SP100: variants seen among roughly 807,000 people sequenced by gnomAD.
SP100 encodes the protein nuclear autoantigen Sp-100.
SP100 carries 84 observed loss-of-function variants against 130.0 expected under a neutral mutation model. The ratio of observed to expected loss-of-function variants is 0.65; its 90% CI spans 0.54 to 0.77. The LOEUF (loss-of-function observed/expected upper bound fraction) is 0.77. Ranked by LOEUF, SP100 falls within the 30% of genes least tolerant of loss-of-function variation. The pLI is 0.00. For missense variants in SP100, 978 were observed against 1,052.2 expected (o/e 0.93, Z 0.97); for synonymous variants, 331 against 351.7 (o/e 0.94, Z 0.66).
chr2:230,487,031 T>G (rs1029873607), intron 17 of SP100, among the ~76,000 whole-genome samples: 8 of 152,250 alleles, frequency 5.3e-5, no homozygotes, highest in Non-Finnish European at 1.2e-4. Flanking sequence ...TTGTTTTTTC[T>G]TGTAAATTTG....
In SP100 at chr2:230,450,543, A is replaced by G. The variant is rs142352659; in HGVS notation, c.820+288A>G. ...TTTTTAAGAATACATTATTAACTAT[A>G]TTAATCGTGTTGTATAAAAGATCTC... On this transcript the variant is annotated intron_variant, in intron 8 of 28. Transcript: ENST00000340126. Among the ~76,000 whole-genome samples, 187 of 152,308 alleles carry G rather than the reference A, an allele frequency of 1.2e-3. 2 individuals carry two copies. The East Asian group carries it at 0.032, about 26-fold the overall frequency.
In SP100 at chr2:230,417,754, A is replaced by G. The variant is rs1012931499; in HGVS notation, c.107+89A>G. 9.9e-6 allele frequency: 15 copies of G among 1,522,302 alleles called. No homozygotes were observed. In the African/African-American group the frequency reaches 1.9e-4, roughly 20 times the overall value. 94.3% of individuals were successfully genotyped at this position (1,522,302 alleles called of 1,614,324 possible). A position where few individuals can be genotyped will look rare whatever the true frequency, so the allele number is the denominator to read the frequency against. On this transcript the variant is annotated intron_variant, in intron 2 of 28. Coordinates refer to ENST00000340126, the MANE Select transcript of SP100 (RefSeq NM_001080391.2). ...AGCTTTTCATGTTTCTTGGCCATTTAAATTCCCTCTTCTATAAATTGCTTG... is the reference window on the plus strand; with the variant it reads ...AGCTTTTCATGTTTCTTGGCCATTTGAATTCCCTCTTCTATAAATTGCTTG...
intron 17 of SP100, among the ~76,000 whole-genome samples, chr2:230,481,796 A>T (rs2065844273): frequency 6.6e-6 from 1 of 152,062 alleles, no homozygotes; most frequent in Non-Finnish European, 1.5e-5. Context: ...CTCACTTGCT[A>T]CTCTGGCCTT....
intron 24 of SP100, chr2:230,516,097 A>G (rs970838016): frequency 1.0e-6 from 1 of 988,414 alleles, no homozygotes; most frequent in Non-Finnish European, 1.2e-6. Context: ...AAAAAACCGT[A>G]TGAGGGAACT....
At chr2:230,506,156 A>G (rs1690082372) in intron 21 of SP100, 147 bp from the exon 22 acceptor site, 3 of 715,984 alleles carry the variant, frequency 4.2e-6, no homozygotes, top group African/African-American at 1.8e-5. Flanking sequence ...CAGGCTGGGT[A>G]TGAAGCCCCT....
intron 24 of SP100, among the ~76,000 whole-genome samples, chr2:230,524,199 A>AAAAAAAAAAT (rs1691312526): frequency 6.7e-6 from 1 of 148,340 alleles, no homozygotes; most frequent in Non-Finnish European, 1.5e-5. Flanking sequence ...AAAAAAAAAA[A>AAAAAAAAAAT]AAGAAAATTA....
chr2:230,508,311 C>CATTTTTT lies in SP100; in HGVS notation c.2052+280_2052+281insATTTTTT, dbSNP rs376287053. 7 of 148,216 alleles carry CATTTTTT rather than the reference C, an allele frequency of 4.7e-5. 1 individual carries two copies. Among genetic ancestry groups the CATTTTTT allele is most frequent in the African/African-American group, 6.3e-5 (2 of 31,610 alleles). 9.2% of individuals were successfully genotyped at this position (148,216 alleles called of 1,614,324 possible). On this transcript the variant is annotated intron_variant, in intron 23 of 28. Coordinates refer to ENST00000340126, the MANE Select transcript of SP100 (RefSeq NM_001080391.2). ...TTTAGTAAAGGAGCTAAATGCCATA[C>CATTTTTT]TTTTTTTTTTTTTTTTTTTTAAGAG...
At chr2:230,477,939 C>CAAAAAAAAAAA (rs11420486) in intron 17 of SP100, among the ~76,000 whole-genome samples, 2 of 125,134 alleles carry the variant, frequency 1.6e-5, no homozygotes, top group African/African-American at 3.1e-5. Flanking sequence ...TGTCTCAAAA[C>CAAAAAAAAAAA]AAAACAAACA....
chr2:230,506,204 T>G, intron 21 of SP100, 99 bp from the exon 22 acceptor site: 1 of 1,304,760 alleles, frequency 7.7e-7, no homozygotes, highest in Non-Finnish European at 1.1e-6. Context: ...ACTGCTACGA[T>G]CCTAAGCCCA....
chr2:230,488,704 C>A (rs977648165), intron 17 of SP100, among the ~76,000 whole-genome samples: 1 of 152,108 alleles, frequency 6.6e-6, no homozygotes, highest in Admixed American at 6.6e-5. Context: ...TGAGCCACAG[C>A]GCCCGGCCAA....
At chr2:230,462,701 A>T in intron 10 of SP100, 183 bp downstream of exon 10, 1 of 581,838 alleles carries the variant, frequency 1.7e-6, no homozygotes, top group South Asian at 2.0e-5. Flanking sequence ...AAATTGTTAT[A>T]AACTTATTTT....
chr2:230,428,443 AC>A (rs1185715068), intron 2 of SP100, among the ~76,000 whole-genome samples: 1 of 148,132 alleles, frequency 6.8e-6, no homozygotes, highest in Non-Finnish European at 1.5e-5. Context: ...GAAGTGCTAC[AC>A]ACTTTTTTTT....
At position 230,542,045 on chromosome 2, in the gene SP100, T is replaced by C. The variant is rs896912430; in HGVS notation, c.2547+10T>C. On this transcript the variant is annotated intron_variant, in intron 28 of 28. Transcript: ENST00000340126. ...CAAGGAATTTTACAGGGTGAGTGGC[T>C]CTCCCTGCTTCCTTTTCTCTTTCAA... is the stretch of plus-strand genomic sequence containing the variant. 1.2e-6 allele frequency: 2 copies of C among 1,613,358 alleles called. No homozygotes were observed. Among genetic ancestry groups the C allele is most frequent in the African/African-American group, 2.7e-5 (2 of 75,024 alleles).
chr2:230,440,149 T>C (rs2063424820), intron 2 of SP100, among the ~76,000 whole-genome samples: 1 of 152,124 alleles, frequency 6.6e-6, no homozygotes, highest in African/African-American at 2.4e-5. Flanking sequence ...TTCAACATTG[T>C]ATTCAAACTC....
At chr2:230,503,730 G>A (rs1055991995) in intron 20 of SP100, among the ~76,000 whole-genome samples, 4 of 152,220 alleles carry the variant, frequency 2.6e-5, no homozygotes, top group Non-Finnish European at 1.5e-5. Flanking sequence ...AGTTGGCAAA[G>A]AGGGAGACAG....
At chr2:230,416,768 C>G in intron 1 of SP100, 1 of 987,182 alleles carries the variant, frequency 1.0e-6, no homozygotes, top group Non-Finnish European at 1.2e-6. Flanking sequence ...ACGCTGTGGT[C>G]TCACCTGTCC....
At chr2:230,434,942 A>T (rs935363120) in intron 2 of SP100, among the ~76,000 whole-genome samples, 2 of 152,220 alleles carry the variant, frequency 1.3e-5, no homozygotes, top group Non-Finnish European at 2.9e-5. Flanking sequence ...GCTTTCACTC[A>T]TGAAGAAATT....
intron 17 of SP100, among the ~76,000 whole-genome samples, chr2:230,493,414 G>A (rs1405928655): frequency 7.9e-5 from 12 of 152,004 alleles, no homozygotes; most frequent in Non-Finnish European, 1.6e-4. Flanking sequence ...ATGGGGTTTT[G>A]CCATGTTGGC....
chr2:230,535,087 T>G (rs1691869861), intron 24 of SP100, among the ~76,000 whole-genome samples: 1 of 152,052 alleles, frequency 6.6e-6, no homozygotes, highest in Non-Finnish European at 1.5e-5. Context: ...TCCCAGCTAC[T>G]CGGGAGTCTG....
Sources: gnomAD v4.1 joint callset for allele counts (sites outside exome capture counted in the v4.1 genomes callset) on GRCh38, gnomAD v4.1.1 for gene constraint, MANE v1.5 for transcripts, NCBI Gene and HGNC (gene_info 2026-07-23, HGNC 2026-07-21) for gene names.